Variants in SLC24A3 observed in about 807,000 individuals in gnomAD.
SLC24A3 encodes solute carrier family 24 member 3.
SLC24A3 carries 28 observed loss-of-function variants against 75.8 expected under a neutral mutation model. That is an observed-to-expected ratio of 0.37 (90% CI 0.27 to 0.51). The LOEUF (loss-of-function observed/expected upper bound fraction) is 0.51, where lower values mean the gene tolerates loss of function less well. SLC24A3 is among the 20% of genes least tolerant of loss of function. SLC24A3 has a pLI of 0.94. For synonymous variants in SLC24A3, 372 were observed against 334.1 expected (o/e 1.11, Z -1.24); for missense variants, 663 against 847.8 (o/e 0.78, Z 2.71).
At chr20:19,456,622 C>A (rs762285285) in intron 2 of SLC24A3, among the ~76,000 whole-genome samples, 1 of 152,250 alleles carries the variant, frequency 6.6e-6, no homozygotes, top group Non-Finnish European at 1.5e-5. Context: ...TTCTTTAAAT[C>A]TTTCCACATT....
At chr20:19,459,159 A>G (rs536099785) in intron 2 of SLC24A3, among the ~76,000 whole-genome samples, 2 of 152,318 alleles carry the variant, frequency 1.3e-5, no homozygotes, top group South Asian at 4.1e-4. Flanking sequence ...GAATTGGTTG[A>G]GATACCTGGT....
At chr20:19,397,163 C>T (rs1600463675) in intron 2 of SLC24A3, among the ~76,000 whole-genome samples, 1 of 152,244 alleles carries the variant, frequency 6.6e-6, no homozygotes, top group East Asian at 1.9e-4. Context: ...CATATCATAC[C>T]CACTTTTCAA....
At chr20:19,246,150 G>A (rs926842808) in intron 1 of SLC24A3, among the ~76,000 whole-genome samples, 19 of 152,118 alleles carry the variant, frequency 1.2e-4, no homozygotes, top group Admixed American at 8.5e-4. Context: ...TTTGACTACA[G>A]AGAGACATAT....
At chr20:19,308,433 T>C (rs1984380156) in intron 2 of SLC24A3, among the ~76,000 whole-genome samples, 1 of 152,120 alleles carries the variant, frequency 6.6e-6, no homozygotes, top group African/African-American at 2.4e-5. Context: ...GTTTGGAGGG[T>C]GCAGAAATTA....
At chr20:19,519,493 T>C (rs1411591794) in intron 3 of SLC24A3, among the ~76,000 whole-genome samples, 1 of 152,224 alleles carries the variant, frequency 6.6e-6, no homozygotes, top group Non-Finnish European at 1.5e-5. Context: ...GAGAGTGTGC[T>C]TTTTAAAAAA....
chr20:19,361,658 T>C (rs1412779657), intron 2 of SLC24A3, among the ~76,000 whole-genome samples: 2 of 152,222 alleles, frequency 1.3e-5, no homozygotes, highest in East Asian at 1.9e-4. Flanking sequence ...AGAAAAATAC[T>C]GTAAACAAAT....
At chr20:19,568,116 A>G (rs1227450951) in intron 3 of SLC24A3, among the ~76,000 whole-genome samples, 2 of 152,260 alleles carry the variant, frequency 1.3e-5, no homozygotes, top group African/African-American at 4.8e-5. Flanking sequence ...GATGACTACT[A>G]TCAAAATATC....
chr20:19,417,187 A>C (rs1055502547), intron 2 of SLC24A3, among the ~76,000 whole-genome samples: 2 of 152,210 alleles, frequency 1.3e-5, no homozygotes, highest in Admixed American at 6.5e-5. Context: ...AACCTTTAGC[A>C]TTAAAAAATT....
intron 2 of SLC24A3, among the ~76,000 whole-genome samples, chr20:19,369,391 G>A (rs1469750652): frequency 1.3e-5 from 2 of 152,168 alleles, no homozygotes; most frequent in Non-Finnish European, 2.9e-5. Flanking sequence ...AAAATGTCAA[G>A]GGCATGAAAG....
chr20:19,550,860 T>G (rs1043422226), intron 3 of SLC24A3, among the ~76,000 whole-genome samples: 1 of 152,140 alleles, frequency 6.6e-6, no homozygotes, highest in African/African-American at 2.4e-5. Context: ...AGCCAGGCAG[T>G]AATGAAGAGC....
chr20:19,332,347 G>GC (rs1379089540), intron 2 of SLC24A3, among the ~76,000 whole-genome samples: 1 of 152,112 alleles, frequency 6.6e-6, no homozygotes, highest in Non-Finnish European at 1.5e-5. Flanking sequence ...AGCTCCCTGA[G>GC]CCCCCTTGCC....
At chr20:19,439,888 C>A (rs1490275294) in intron 2 of SLC24A3, among the ~76,000 whole-genome samples, 1 of 152,132 alleles carries the variant, frequency 6.6e-6, no homozygotes, top group African/African-American at 2.4e-5. Context: ...CGGTCTTAAA[C>A]TGAGGAAGCT....
chr20:19,443,785 T>C (rs1987334154), intron 2 of SLC24A3, among the ~76,000 whole-genome samples: 1 of 152,186 alleles, frequency 6.6e-6, no homozygotes, highest in African/African-American at 2.4e-5. Context: ...GTTTCTCACC[T>C]TTACTTTTAC....
intron 2 of SLC24A3, among the ~76,000 whole-genome samples, chr20:19,346,869 G>T (rs1057257313): frequency 2.6e-5 from 4 of 151,956 alleles, no homozygotes; most frequent in African/African-American, 4.8e-5. Context: ...GAAAAGAAGA[G>T]TAATTATATA....
intron 1 of SLC24A3, chr20:19,213,312 C>G: frequency 5.8e-6 from 1 of 171,894 alleles, no homozygotes; most frequent in Middle Eastern, 2.6e-3. Context: ...CCATCAGCCC[C>G]CAAGGCCAGG....
At chr20:19,463,668 CA>C (rs10716653) in intron 2 of SLC24A3, among the ~76,000 whole-genome samples, 144,179 of 152,304 alleles carry the variant, frequency 0.95, 68,320 homozygotes, top group East Asian at 1. Flanking sequence ...GACTGAAGAG[CA>C]CAGGATGTGC....
intron 7 of SLC24A3, among the ~76,000 whole-genome samples, chr20:19,661,064 T>C (rs988712072): frequency 1.8e-4 from 28 of 152,138 alleles, no homozygotes; most frequent in African/African-American, 6.5e-4. Context: ...GAGAGGAGCC[T>C]TTCATCTCTA....
chr20:19,486,009 A>G (rs1988122314), intron 2 of SLC24A3, among the ~76,000 whole-genome samples: 1 of 152,100 alleles, frequency 6.6e-6, no homozygotes, highest in Non-Finnish European at 1.5e-5. Flanking sequence ...AGGTGGGTGC[A>G]GGGTCAGCTG....
At chr20:19,457,236 A>T (rs765735315) in intron 2 of SLC24A3, among the ~76,000 whole-genome samples, 4 of 152,122 alleles carry the variant, frequency 2.6e-5, no homozygotes, top group East Asian at 1.9e-4. Context: ...TGAGGGGGGA[A>T]ATGTGGAGGA....
Sources: allele counts gnomAD v4.1 joint callset (sites outside exome capture counted in the v4.1 genomes callset), GRCh38; gene constraint gnomAD v4.1.1; transcripts MANE v1.5; gene names NCBI Gene and HGNC (gene_info 2026-07-23, HGNC 2026-07-21).